FAM193A: variants seen among roughly 807,000 people sequenced by gnomAD.
FAM193A encodes the protein protein FAM193A.
A neutral mutation model predicts 126.5 loss-of-function variants in FAM193A; 22 were observed. The ratio of observed to expected loss-of-function variants is 0.17; its 90% CI spans 0.12 to 0.25. FAM193A has a LOEUF of 0.25. Ranked by LOEUF, FAM193A falls within the 10% of genes least tolerant of loss-of-function variation. The pLI, the probability that FAM193A is intolerant of heterozygous loss-of-function variation, is 1.00. For synonymous variants in FAM193A, 761 were observed against 646.8 expected (o/e 1.18, Z -2.68); for missense variants, 1,675 against 1,672.8 (o/e 1.00, Z -0.02).
intron 1 of FAM193A, among the ~76,000 whole-genome samples, chr4:2,538,012 A>G (rs1736993033): frequency 6.6e-6 from 1 of 152,222 alleles, no homozygotes; most frequent in African/African-American, 2.4e-5. Flanking sequence ...ATAAGTGGGT[A>G]TGCAATTGGC....
chr4:2,626,411 G>A lies in FAM193A; in HGVS notation c.637G>A (p.Glu213Lys), dbSNP rs1742968703. The A allele has an allele frequency of 1.4e-6, 1 of 698,860 alleles. No individual in the cohort carries two copies. The highest frequency in any genetic ancestry group is 1.7e-5 in the African/African-American group (1 of 57,196). 43.3% of individuals were successfully genotyped at this position (698,860 alleles called of 1,614,324 possible). A position where few individuals can be genotyped will look rare whatever the true frequency, so the allele number is the denominator to read the frequency against. Residue 213 changes from glutamate to lysine, a missense_variant and splice_region_variant, in exon 4 of 21, where the codon GAA (glutamate) becomes AAA (lysine). Around this residue, in one of 4 missense-constraint regions of FAM193A, gnomAD observed 1,186 missense variants for 1,109.2 expected, o/e 1.07. Transcript: ENST00000637812. ...CSCEACSERR[E>K]ISAEADREPQ... The stretch of plus-strand genomic sequence containing the variant: ...TAACCTTCCTGTGTTGTCTCACAGA[G>A]AAATTTCGGCAGAGGCGGACCGGGA...
At position 2,574,326 on chromosome 4, in the gene FAM193A, C is replaced by G. The variant is rs75457148; in HGVS notation, c.256-21758C>G. Among the ~76,000 whole-genome samples, 105 of 152,282 alleles carry G rather than the reference C, an allele frequency of 6.9e-4. No homozygotes were observed. The East Asian group carries it at 0.017, about 25-fold the overall frequency. ...AGGGCCGGCCTGTCTCACACCAAGG[C>G]TGCTGCATTTGCTCACCTTGTGTTG... is the stretch of plus-strand genomic sequence containing the variant. On this transcript the variant is annotated intron_variant, in intron 1 of 20. Transcript: ENST00000637812.
At chr4:2,551,545 A>G (rs188929447) in intron 1 of FAM193A, among the ~76,000 whole-genome samples, 7 of 152,278 alleles carry the variant, frequency 4.6e-5, no homozygotes, top group Non-Finnish European at 1.0e-4. Flanking sequence ...TCATCTAAGT[A>G]TTTGAATTTA....
At chr4:2,655,975 G>A (rs1255292261) in intron 7 of FAM193A, among the ~76,000 whole-genome samples, 1 of 152,120 alleles carries the variant, frequency 6.6e-6, no homozygotes, top group African/African-American at 2.4e-5. Context: ...TTGTAGCGGT[G>A]GGGGTCTTGC....
At chr4:2,585,448 T>C (rs1163708371) in intron 1 of FAM193A, among the ~76,000 whole-genome samples, 1 of 152,254 alleles carries the variant, frequency 6.6e-6, no homozygotes, top group Non-Finnish European at 1.5e-5. Context: ...TATGATTTAA[T>C]TTATCTGTGA....
At chr4:2,671,962 C>T (rs776201594) in intron 12 of FAM193A, among the ~76,000 whole-genome samples, 159 bp from the exon 13 acceptor site, 18 of 152,184 alleles carry the variant, frequency 1.2e-4, no homozygotes, top group Admixed American at 9.2e-4. Flanking sequence ...TGGGGTCCCT[C>T]GTTTTCCTTG....
chr4:2,687,727 C>T (rs16843203), intron 13 of FAM193A, among the ~76,000 whole-genome samples: 4,557 of 152,298 alleles, frequency 0.03, 247 homozygotes, highest in African/African-American at 0.1. Flanking sequence ...TCATCCACAG[C>T]ATTGCCACAA....
At chr4:2,608,293 C>T in intron 2 of FAM193A, 1 of 613,566 alleles carries the variant, frequency 1.6e-6, no homozygotes, top group Non-Finnish European at 2.8e-6. Context: ...ACCCTTCTGC[C>T]TCAGTCTCCT....
chr4:2,715,997 C>T (rs1284684356), intron 19 of FAM193A, 26 bp from the exon 20 acceptor site: 2 of 1,328,476 alleles, frequency 1.5e-6, no homozygotes, highest in Admixed American at 3.4e-5. Flanking sequence ...TGTAATTTGA[C>T]TTGCTGCTTC....
intron 7 of FAM193A, among the ~76,000 whole-genome samples, chr4:2,656,466 G>A (rs1241259409): frequency 6.6e-6 from 1 of 152,204 alleles, no homozygotes; most frequent in Non-Finnish European, 1.5e-5. Context: ...GCAGGGCTAG[G>A]GAAAGTCACG....
intron 1 of FAM193A, among the ~76,000 whole-genome samples, chr4:2,540,214 A>C (rs951011243): frequency 6.6e-6 from 1 of 152,182 alleles, no homozygotes; most frequent in Non-Finnish European, 1.5e-5. Context: ...TCACGCCTGT[A>C]ATCCCAGCAC....
chr4:2,584,469 T>C (rs1052359258), intron 1 of FAM193A, among the ~76,000 whole-genome samples: 6 of 150,648 alleles, frequency 4.0e-5, no homozygotes, highest in Admixed American at 4.0e-4. Flanking sequence ...TATTTCTTAC[T>C]GTTAAATACT....
chr4:2,607,632 T>C (rs1741622646), intron 2 of FAM193A, among the ~76,000 whole-genome samples: 2 of 152,250 alleles, frequency 1.3e-5, no homozygotes, highest in African/African-American at 2.4e-5. Flanking sequence ...TAATTCTTCA[T>C]TATAGCTTTA....
chr4:2,662,368 TCTGAAA>T (rs1712559674), intron 10 of FAM193A, among the ~76,000 whole-genome samples: 1 of 152,196 alleles, frequency 6.6e-6, no homozygotes, highest in Non-Finnish European at 1.5e-5. Flanking sequence ...ACTGACTATT[TCTGAAA>T]ATTTCAGCCC....
intron 20 of FAM193A, among the ~76,000 whole-genome samples, chr4:2,723,215 A>C (rs1298308734): frequency 6.6e-6 from 1 of 152,136 alleles, no homozygotes; most frequent in Non-Finnish European, 1.5e-5. Context: ...CGGAAGTTGC[A>C]GTGAGCCAAC....
chr4:2,694,700 T>C (rs1050171396), intron 16 of FAM193A, among the ~76,000 whole-genome samples: 1 of 152,202 alleles, frequency 6.6e-6, no homozygotes, highest in Non-Finnish European at 1.5e-5. Flanking sequence ...AGAGACTACG[T>C]GTTCCTGTTC....
In FAM193A at chr4:2,665,456, T is replaced by G. The variant is rs576884853; in HGVS notation, c.2079+2168T>G. ...TTTAGTTCTTCCTTTCCAATCTGGA[T>G]GCAATGCTTTTAATCTTCCCTTCCC... On this transcript the variant is annotated intron_variant, in intron 12 of 20. Coordinates refer to ENST00000637812, the MANE Select transcript of FAM193A (RefSeq NM_001366318.2). Among the ~76,000 whole-genome samples, 5 of 152,344 alleles carry G rather than the reference T, an allele frequency of 3.3e-5. No homozygotes were observed. The South Asian group carries it at 1.0e-3, about 32-fold the overall frequency.
At chr4:2,696,181 C>G (rs527840928) in intron 17 of FAM193A, 182 bp from the exon 18 acceptor site, 1 of 539,252 alleles carries the variant, frequency 1.9e-6, no homozygotes, top group South Asian at 2.6e-5. Context: ...TATCAAAATG[C>G]CACTTTTGGG....
chr4:2,653,740 C>T (rs1745900210), intron 7 of FAM193A, among the ~76,000 whole-genome samples: 1 of 152,174 alleles, frequency 6.6e-6, no homozygotes, highest in Non-Finnish European at 1.5e-5. Context: ...CCATGCCCAG[C>T]CAGGAGATGC....
Sources: gnomAD v4.1 joint callset for allele counts (sites outside exome capture counted in the v4.1 genomes callset) on GRCh38, gnomAD v4.1.1 for gene constraint, gnomAD v4.1.1 regional missense constraint, MANE v1.5 for transcripts, NCBI Gene and HGNC (gene_info 2026-07-23, HGNC 2026-07-21) for gene names.